Variants in MRTFB observed in about 807,000 individuals in gnomAD.
MRTFB encodes myocardin related transcription factor B.
In MRTFB, 29 loss-of-function variants were observed where a neutral mutation model predicts 104.2. The observed-to-expected ratio is 0.28, with a 90% confidence interval of 0.21 to 0.38. The LOEUF is 0.38. Among genes scored for constraint, MRTFB ranks in the 10% least tolerant of loss-of-function variants. The pLI is 1.00. For missense variants in MRTFB, 1,270 were observed against 1,341.6 expected, an observed-to-expected ratio of 0.95 and a Z score of 0.83; for synonymous variants, 535 against 519.5, an observed-to-expected ratio of 1.03 and a Z score of -0.41.
chr16:14,231,925 CTG>C (rs1183543695), intron 8 of MRTFB, among the ~76,000 whole-genome samples: 3 of 152,310 alleles, frequency 2.0e-5, no homozygotes, highest in Non-Finnish European at 2.9e-5. Flanking sequence ...TCAACAATCA[CTG>C]TATTTCAGTT....
intron 3 of MRTFB, among the ~76,000 whole-genome samples, chr16:14,173,034 A>G (rs189430789): frequency 5.3e-5 from 8 of 152,212 alleles, no homozygotes; most frequent in Admixed American, 2.0e-4. Context: ...AATCCCATCA[A>G]TATTTATTCA....
intron 3 of MRTFB, among the ~76,000 whole-genome samples, chr16:14,198,139 C>T (rs1567445601): frequency 6.6e-6 from 1 of 152,130 alleles, no homozygotes; most frequent in Non-Finnish European, 1.5e-5. Context: ...TCAGTTTCAT[C>T]CACATTGTAG....
At chr16:14,017,710 TA>T in the MRTFB span, among the ~76,000 whole-genome samples, 53 of 18,622 alleles carry the variant, frequency 2.8e-3, 8 homozygotes, top group African/African-American at 4.6e-3. Context: ...TATATATATA[TA>T]TTTTTTTTTT....
chr16:14,212,390 A>G lies in MRTFB; in HGVS notation c.257A>G (p.Lys86Arg), dbSNP rs2041231023. 6.2e-7 allele frequency: 1 copy of G among 1,613,852 alleles called. No homozygotes were observed. The highest frequency in any genetic ancestry group is 1.3e-5 in the African/African-American group (1 of 74,928). The change falls in exon 5 of 17, where the codon AAA (lysine) becomes AGA (arginine). Residue 86 changes from lysine to arginine, a missense_variant. Physicochemically the swap from Lys to Arg is conservative, Grantham distance 26 (BLOSUM62 2). Around this residue, in one of 3 missense-constraint regions of MRTFB, gnomAD observed 64 missense variants for 152.9 expected, o/e 0.42. Transcript: ENST00000571589. ...KSPAAFHEQIKSLERARTENF... is the reference protein window; with the variant it reads ...KSPAAFHEQIRSLERARTENF... ...CCAGCGGCATTCCATGAACAGATAA[A>G]AAGCTTGGAACGAGCCAGAGTAAGA...
chr16:14,227,556 G>C (rs2042063912), intron 8 of MRTFB, among the ~76,000 whole-genome samples: 1 of 152,042 alleles, frequency 6.6e-6, no homozygotes, highest in African/African-American at 2.4e-5. Flanking sequence ...CTGTTGCCCA[G>C]GCTGGAGTGC....
chr16:14,240,141 C>T lies in MRTFB; in HGVS notation c.832-96C>T. 4 of 1,407,604 alleles carry T rather than the reference C, an allele frequency of 2.8e-6. No homozygotes were observed. In the Admixed American group the frequency reaches 8.0e-5, roughly 28 times the overall value. 87.2% of individuals were successfully genotyped at this position (1,407,604 alleles called of 1,614,324 possible). On this transcript the variant is annotated intron_variant, in intron 9 of 16. Transcript: ENST00000571589. ...AGTGGCTGTACCCGTATCTAAGGTA[C>T]ATTTCTTTTTAATTTCAAATCATTT...
intron 8 of MRTFB, among the ~76,000 whole-genome samples, chr16:14,223,528 A>ATTATT (rs1452924806): frequency 6.6e-6 from 1 of 152,198 alleles, no homozygotes; most frequent in African/African-American, 2.4e-5. Context: ...TGTGGTAGAA[A>ATTATT]TTATTTTTTA....
chr16:14,171,314 C>T lies in MRTFB; in HGVS notation c.154+30554C>T, dbSNP rs118182450. 2.5e-3 allele frequency among the ~76,000 whole-genome samples: 384 copies of T among 152,212 alleles called. 3 individuals carry two copies. The highest frequency in any genetic ancestry group is 3.9e-3 in the Admixed American group (60 of 15,298). On this transcript the variant is annotated intron_variant, in intron 3 of 16. Coordinates refer to ENST00000571589, the MANE Select transcript of MRTFB (RefSeq NM_001308142.2). ...ATACATAGTCTGGGCATGGTGCTCA[C>T]GCCTGTAATCCCAGCACTTTGGGAG...
intron 3 of MRTFB, chr16:14,151,421 A>C (rs2038609425): frequency 6.6e-6 from 1 of 152,202 alleles, no homozygotes; most frequent in Non-Finnish European, 1.5e-5. Flanking sequence ...TTTATTGAAA[A>C]GAATCCAAAT....
chr16:14,214,763 T>TTTTTG (rs2041343907), intron 6 of MRTFB: 1 of 152,134 alleles, frequency 6.6e-6, no homozygotes, highest in Non-Finnish European at 1.5e-5. Flanking sequence ...CTCTCAATAT[T>TTTTTG]AAGGATGTGG....
intron 1 of MRTFB, among the ~76,000 whole-genome samples, chr16:14,078,790 T>C (rs1236447448): frequency 6.7e-6 from 1 of 149,536 alleles, no homozygotes. Flanking sequence ...GAAAGGCAGA[T>C]TTATTATTAT....
chr16:14,115,063 A>T (rs1323090033), intron 2 of MRTFB, among the ~76,000 whole-genome samples: 2 of 152,196 alleles, frequency 1.3e-5, no homozygotes, highest in African/African-American at 4.8e-5. Context: ...GCAGCACTTG[A>T]CACAAGTATA....
intron 14 of MRTFB, 130 bp downstream of exon 14, chr16:14,252,153 G>C: frequency 8.0e-7 from 1 of 1,251,202 alleles, no homozygotes; most frequent in Non-Finnish European, 1.1e-6. Context: ...GTGATAACTT[G>C]TGAAGGAGGA....
chr16:14,044,350 G>T, the MRTFB span, among the ~76,000 whole-genome samples: 2 of 152,194 alleles, frequency 1.3e-5, no homozygotes, highest in Non-Finnish European at 2.9e-5. Flanking sequence ...GGCAGGGAGA[G>T]CCTTACGGTC....
At chr16:14,105,143 G>A (rs1243933093) in intron 2 of MRTFB, among the ~76,000 whole-genome samples, 2 of 152,146 alleles carry the variant, frequency 1.3e-5, no homozygotes, top group African/African-American at 4.8e-5. Flanking sequence ...AATTAAGAAT[G>A]AAAAATGGAA....
At position 14,129,759 on chromosome 16, in the gene MRTFB, G is replaced by A. The variant is rs568362143; in HGVS notation, c.-63-10785G>A. Among the ~76,000 whole-genome samples, 203 of 152,196 alleles carry A rather than the reference G, an allele frequency of 1.3e-3. 2 individuals are homozygous for A. Among genetic ancestry groups the A allele is most frequent in the Middle Eastern group, 0.01 (3 of 294 alleles). On this transcript the variant is annotated intron_variant, in intron 2 of 16. Transcript: ENST00000571589. The stretch of plus-strand genomic sequence containing the variant: ...ACCAGTAGATTTTAATTGCATTTCC[G>A]TAATAACTGATTATATTGAACATTT...
intron 3 of MRTFB, among the ~76,000 whole-genome samples, chr16:14,161,635 A>C (rs2039041434): frequency 6.6e-6 from 1 of 152,218 alleles, no homozygotes; most frequent in African/African-American, 2.4e-5. Flanking sequence ...AAAAGACATC[A>C]CTGAGAGAAA....
At chr16:14,019,782 A>G in the MRTFB span, among the ~76,000 whole-genome samples, 4 of 152,032 alleles carry the variant, frequency 2.6e-5, no homozygotes, top group African/African-American at 9.7e-5. Flanking sequence ...ATCCCGCTGA[A>G]CCCAAACCAC....
intron 4 of MRTFB, among the ~76,000 whole-genome samples, chr16:14,212,009 A>G (rs1019499844): frequency 1.3e-5 from 2 of 152,142 alleles, no homozygotes; most frequent in African/African-American, 2.4e-5. Context: ...GACTTTTTCT[A>G]TAGCTTATAT....
Sources: allele counts gnomAD v4.1 joint callset (sites outside exome capture counted in the v4.1 genomes callset), GRCh38; gene constraint gnomAD v4.1.1; regional missense constraint gnomAD v4.1.1; transcripts MANE v1.5; gene names NCBI Gene and HGNC (gene_info 2026-07-23, HGNC 2026-07-21).